Variants in XKR9 observed in about 807,000 individuals in gnomAD.
The protein encoded by XKR9 is XK-related protein 9.
Under a neutral mutation model 32.0 loss-of-function variants are expected in XKR9, and 32 were observed. That is an observed-to-expected ratio of 1.00 (90% CI 0.76 to 1.34). XKR9 has a LOEUF of 1.34. XKR9 is among the 40% of genes most tolerant of loss of function. The pLI is 0.00. For missense variants in XKR9, 546 were observed against 429.7 expected, an observed-to-expected ratio of 1.27 and a Z score of -2.39; for synonymous variants, 168 against 143.4, an observed-to-expected ratio of 1.17 and a Z score of -1.22.
the XKR9 span, among the ~76,000 whole-genome samples, chr8:70,899,521 A>C: frequency 6.6e-6 from 1 of 151,844 alleles, no homozygotes; most frequent in Non-Finnish European, 1.5e-5. Context: ...GCTGGATGAT[A>C]AATGTGTAAA....
chr8:71,021,259 A>C, the XKR9 span, among the ~76,000 whole-genome samples: 1 of 151,980 alleles, frequency 6.6e-6, no homozygotes, highest in Non-Finnish European at 1.5e-5. Flanking sequence ...TACTTCCAAC[A>C]CTGGGGATCA....
At chr8:70,881,699 C>G in the XKR9 span, among the ~76,000 whole-genome samples, 4 of 152,218 alleles carry the variant, frequency 2.6e-5, no homozygotes, top group South Asian at 8.3e-4. Flanking sequence ...TTGTGGAAGA[C>G]AATGTGGCTT....
intron 2 of XKR9, among the ~76,000 whole-genome samples, chr8:70,758,199 CCTCTGA>C (rs1563470719): frequency 2.8e-5 from 2 of 70,338 alleles, no homozygotes; most frequent in Admixed American, 1.3e-4. Flanking sequence ...CGTTGTTAAG[CCTCTGA>C]TGTCGTTCCT....
At chr8:70,800,998 T>A in the XKR9 span, among the ~76,000 whole-genome samples, 1 of 151,496 alleles carries the variant, frequency 6.6e-6, no homozygotes, top group African/African-American at 2.4e-5. Context: ...TTTTTTTTTT[T>A]GTATTTCTCT....
chr8:70,917,667 C>T, the XKR9 span, among the ~76,000 whole-genome samples: 1 of 152,160 alleles, frequency 6.6e-6, no homozygotes, highest in African/African-American at 2.4e-5. Flanking sequence ...CAGCTTTCTC[C>T]AAATGTTGGC....
intron 2 of XKR9, among the ~76,000 whole-genome samples, chr8:70,745,701 G>A (rs1452481286): frequency 6.6e-6 from 1 of 152,154 alleles, no homozygotes; most frequent in East Asian, 1.9e-4. Context: ...AGCCACTAGA[G>A]GGCAATGGAA....
chr8:70,986,208 A>T, the XKR9 span, among the ~76,000 whole-genome samples: 1 of 152,234 alleles, frequency 6.6e-6, no homozygotes, highest in African/African-American at 2.4e-5. Context: ...ATTTATTCTC[A>T]TTTAAACTTC....
chr8:70,883,818 A>G, the XKR9 span, among the ~76,000 whole-genome samples: 3 of 152,108 alleles, frequency 2.0e-5, no homozygotes, highest in South Asian at 6.2e-4. Flanking sequence ...AAGTTTTGAC[A>G]CCTATAAAGA....
At chr8:71,024,764 C>T in the XKR9 span, among the ~76,000 whole-genome samples, 2 of 152,170 alleles carry the variant, frequency 1.3e-5, no homozygotes, top group African/African-American at 2.4e-5. Context: ...CTCTGGGCTC[C>T]CCACTAATCT....
chr8:70,797,430 A>G, the XKR9 span, among the ~76,000 whole-genome samples: 3 of 152,076 alleles, frequency 2.0e-5, no homozygotes, highest in Non-Finnish European at 4.4e-5. Context: ...TTTGAACTGA[A>G]TCATCTAATT....
the XKR9 span, among the ~76,000 whole-genome samples, chr8:70,966,153 T>C: frequency 1.3e-5 from 2 of 152,338 alleles, no homozygotes; most frequent in East Asian, 3.9e-4. Context: ...TCTTGATTTC[T>C]GCCTTAATTT....
At chr8:71,004,771 C>A in the XKR9 span, among the ~76,000 whole-genome samples, 1 of 152,158 alleles carries the variant, frequency 6.6e-6, no homozygotes, top group Non-Finnish European at 1.5e-5. Context: ...GTGGTAAATA[C>A]TTACTGGGTG....
At chr8:70,814,634 T>C in the XKR9 span, among the ~76,000 whole-genome samples, 2 of 152,084 alleles carry the variant, frequency 1.3e-5, no homozygotes, top group Admixed American at 1.3e-4. Context: ...CCATTGCCAA[T>C]ATCATACTGA....
the XKR9 span, among the ~76,000 whole-genome samples, chr8:70,929,416 T>G: frequency 3.9e-5 from 6 of 152,232 alleles, no homozygotes; most frequent in South Asian, 4.1e-4. Context: ...TCACCACAGA[T>G]TTTGCAACTT....
At chr8:70,916,692 T>G in the XKR9 span, among the ~76,000 whole-genome samples, 1 of 152,172 alleles carries the variant, frequency 6.6e-6, no homozygotes, top group Non-Finnish European at 1.5e-5. Flanking sequence ...GCTGTCTTGT[T>G]GGATTTTGAA....
intron 2 of XKR9, among the ~76,000 whole-genome samples, chr8:70,788,624 T>A (rs1807723107): frequency 6.6e-6 from 1 of 152,084 alleles, no homozygotes; most frequent in African/African-American, 2.4e-5. Flanking sequence ...TTTCAAACAG[T>A]GATTAAAAAG....
chr8:70,847,922 A>G, the XKR9 span, among the ~76,000 whole-genome samples: 24 of 152,226 alleles, frequency 1.6e-4, no homozygotes, highest in East Asian at 3.9e-4. Flanking sequence ...TACTCAAACT[A>G]TTGCAAAAAA....
chr8:70,982,955 A>G, the XKR9 span, among the ~76,000 whole-genome samples: 1 of 152,228 alleles, frequency 6.6e-6, no homozygotes, highest in Non-Finnish European at 1.5e-5. Flanking sequence ...CTGTGTTCAC[A>G]CAACAGCCTG....
chr8:70,763,687 A>G lies in XKR9; in HGVS notation n.353-25652A>G, dbSNP rs555994240. Among the ~76,000 whole-genome samples the G allele has an allele frequency of 5.3e-5, 8 of 152,330 alleles. No homozygotes were observed. In the South Asian group the frequency reaches 1.7e-3, roughly 32 times the overall value. ...ATTATTTTTTTCCCTTTCATATTAT[A>G]GTAGATATAAGGGCAGTGAATTGTG... On this transcript the variant is annotated intron_variant and non_coding_transcript_variant, in intron 2 of 3. Coordinates refer to the XKR9 transcript ENST00000520273.
Sources: allele counts gnomAD v4.1 joint callset (sites outside exome capture counted in the v4.1 genomes callset), GRCh38; gene constraint gnomAD v4.1.1; transcripts MANE v1.5; gene names NCBI Gene and HGNC (gene_info 2026-07-23, HGNC 2026-07-21).